PTPRZ1: variants seen among roughly 807,000 people sequenced by gnomAD.
PTPRZ1 encodes the protein protein tyrosine phosphatase receptor type Z1.
Under a neutral mutation model 214.1 loss-of-function variants are expected in PTPRZ1, and 82 were observed. The observed-to-expected ratio is 0.38, with a 90% confidence interval of 0.32 to 0.46. PTPRZ1 has a LOEUF of 0.46. PTPRZ1 is among the 20% of genes least tolerant of loss of function. The pLI, the probability that PTPRZ1 is intolerant of heterozygous loss-of-function variation, is 1.00. For synonymous variants in PTPRZ1, 945 were observed against 987.9 expected (o/e 0.96, Z 0.81); for missense variants, 2,603 against 2,748.7 (o/e 0.95, Z 1.19).
In PTPRZ1 at chr7:122,036,642, A is replaced by C. The variant is rs756556560; in HGVS notation, c.5327A>C (p.Asp1776Ala). 1 of 1,609,804 alleles carries C rather than the reference A, an allele frequency of 6.2e-7. No homozygotes were observed. The highest frequency in any genetic ancestry group is 8.5e-7 in the Non-Finnish European group (1 of 1,176,122). Residue 1776 changes from aspartate to alanine, a missense_variant, in exon 18 of 30, where the codon GAT (aspartate) becomes GCT (alanine). Asp to Ala is a moderately radical substitution (Grantham distance 126). Around this residue, in one of 6 missense-constraint regions of PTPRZ1, gnomAD observed 1,913 missense variants for 1,914.3 expected, o/e 1.00. Coordinates refer to ENST00000393386, the MANE Select transcript of PTPRZ1 (RefSeq NM_002851.3). ...AAGCTAGCACAGCTTGCTGAAAAGG[A>C]TGGCAAACTGACTGATTATATCAAT... Reference protein sequence around the residue: ...RVKLAQLAEKDGKLTDYINAN... With the variant: ...RVKLAQLAEKAGKLTDYINAN...
intron 1 of PTPRZ1, among the ~76,000 whole-genome samples, chr7:121,926,650 C>T (rs1584646224): frequency 6.6e-6 from 1 of 151,876 alleles, no homozygotes; most frequent in Non-Finnish European, 1.5e-5. Context: ...GGGGGATGGG[C>T]GTGGGTGTGG....
Position 122,059,753 on chromosome 7 carries a change from G to A in PTPRZ1, c.6672G>A (p.Glu2224=), listed in dbSNP as rs755817956. The A allele has an allele frequency of 2.4e-5, 38 of 1,605,216 alleles. No individual in the cohort carries two copies. Among genetic ancestry groups the A allele is most frequent in the Non-Finnish European group, 2.3e-5 (27 of 1,177,374 alleles). Residue 2224 remains glutamate (E), a splice_region_variant and synonymous_variant, in exon 29 of 30, where the codon GAG becomes GAA. Transcript: ENST00000393386. ...NRDGPMIVHD[E]HGGVTAGTFC... ...TCCTTTTCTTTTTTTTTTTTACAAG[G>A]CATGGAGGAGTGACGGCAGGAACTT... is the stretch of plus-strand genomic sequence containing the variant.
chr7:121,904,484 G>A (rs1004276079), intron 1 of PTPRZ1, among the ~76,000 whole-genome samples: 3 of 152,066 alleles, frequency 2.0e-5, no homozygotes, highest in African/African-American at 7.2e-5. Context: ...TTCCTGTTCT[G>A]GTTTCATGTT....
intron 8 of PTPRZ1, among the ~76,000 whole-genome samples, chr7:121,988,623 G>T (rs1797842918): frequency 6.6e-6 from 1 of 152,122 alleles, no homozygotes; most frequent in African/African-American, 2.4e-5. Flanking sequence ...TGATCTCAGT[G>T]TTACCTGTAA....
intron 2 of PTPRZ1, among the ~76,000 whole-genome samples, chr7:121,943,871 A>T (rs1359494831): frequency 6.6e-6 from 1 of 152,208 alleles, no homozygotes; most frequent in East Asian, 1.9e-4. Flanking sequence ...AGCTTATGTT[A>T]TCTTAATTTG....
In PTPRZ1 at chr7:122,011,857, A is replaced by G. The variant is rs748692445; in HGVS notation, c.2811A>G (p.Gln937=). The change falls in exon 12 of 30, where the codon CAA becomes CAG. Residue 937 remains glutamine (Q), a synonymous_variant. Coordinates refer to ENST00000393386, the MANE Select transcript of PTPRZ1 (RefSeq NM_002851.3). ...SYALSDNEGS[Q]HIFTVSYSSA... ...CCTTGTCTGATAATGAGGGCTCCCA[A>G]CACATCTTCACTGTTTCTTACAGTT... is the stretch of plus-strand genomic sequence containing the variant. 9 of 1,613,776 alleles carry G rather than the reference A, an allele frequency of 5.6e-6. No individual in the cohort carries two copies. Among genetic ancestry groups the G allele is most frequent in the Non-Finnish European group, 7.6e-6 (9 of 1,179,762 alleles).
intron 2 of PTPRZ1, among the ~76,000 whole-genome samples, chr7:121,959,025 A>G (rs1046163378): frequency 1.3e-5 from 2 of 152,016 alleles, no homozygotes; most frequent in African/African-American, 2.4e-5. Context: ...GGGTTTCACC[A>G]TGTTAGCCAG....
At chr7:121,977,559 G>T (rs1030706464) in intron 6 of PTPRZ1, among the ~76,000 whole-genome samples, 2 of 152,176 alleles carry the variant, frequency 1.3e-5, no homozygotes, top group African/African-American at 4.8e-5. Context: ...TGCAAAATTT[G>T]AAATCAGAAA....
chr7:121,925,125 C>G (rs1795717179), intron 1 of PTPRZ1, among the ~76,000 whole-genome samples: 3 of 152,210 alleles, frequency 2.0e-5, no homozygotes, highest in Admixed American at 2.0e-4. Context: ...TTTTTTATCA[C>G]TTGCTGCCTG....
At chr7:122,036,354 C>A (rs1490115266) in intron 17 of PTPRZ1, among the ~76,000 whole-genome samples, 1 of 152,214 alleles carries the variant, frequency 6.6e-6, no homozygotes, top group Non-Finnish European at 1.5e-5. Flanking sequence ...TTGCACCTCT[C>A]ACTTGACACC....
chr7:122,041,914 T>A (rs1183536981), intron 21 of PTPRZ1, among the ~76,000 whole-genome samples: 1 of 152,206 alleles, frequency 6.6e-6, no homozygotes, highest in Non-Finnish European at 1.5e-5. Flanking sequence ...CAGGGATTGT[T>A]TCCTAGCAAA....
chr7:121,908,359 C>T, intron 1 of PTPRZ1: 1 of 230,656 alleles, frequency 4.3e-6, no homozygotes, highest in East Asian at 1.3e-4. Context: ...AGATCAATCC[C>T]TTTGGAAAAG....
chr7:121,959,980 TCTTCA>T (rs1187131303), intron 2 of PTPRZ1, among the ~76,000 whole-genome samples: 1 of 152,208 alleles, frequency 6.6e-6, no homozygotes, highest in Non-Finnish European at 1.5e-5. Flanking sequence ...ATTACTGTAG[TCTTCA>T]CTTCAATATT....
chr7:121,940,746 C>T (rs970976155), intron 2 of PTPRZ1, among the ~76,000 whole-genome samples: 5 of 151,864 alleles, frequency 3.3e-5, no homozygotes, highest in Non-Finnish European at 7.4e-5. Flanking sequence ...ATGTCCATCA[C>T]GCAATTATCT....
At chr7:121,944,659 A>G (rs986620349) in intron 2 of PTPRZ1, among the ~76,000 whole-genome samples, 2 of 149,796 alleles carry the variant, frequency 1.3e-5, no homozygotes, top group African/African-American at 5.0e-5. Flanking sequence ...TTTTTTTTAA[A>G]GACAGTCTTG....
intron 18 of PTPRZ1, among the ~76,000 whole-genome samples, chr7:122,037,747 A>G (rs1464784774): frequency 2.6e-5 from 4 of 152,188 alleles, no homozygotes; most frequent in Non-Finnish European, 5.9e-5. Context: ...TTTGAATCCC[A>G]TCTCTGCCAC....
chr7:121,973,800 A>G lies in PTPRZ1; in HGVS notation c.456+1108A>G, dbSNP rs1797333771. Among the ~76,000 whole-genome samples, 3 of 151,978 alleles carry G rather than the reference A, an allele frequency of 2.0e-5. No homozygotes were observed. The South Asian group carries it at 6.2e-4, about 32-fold the overall frequency. On this transcript the variant is annotated intron_variant, in intron 4 of 29. Transcript: ENST00000393386. Reference sequence around the variant, plus strand: ...AACACAAAAATTAGCTGGTCATGGTAGCACTCACCTGTAATTTCACCTACT... The same window carrying G: ...AACACAAAAATTAGCTGGTCATGGTGGCACTCACCTGTAATTTCACCTACT...
chr7:121,937,726 T>C (rs923273972), intron 2 of PTPRZ1, among the ~76,000 whole-genome samples: 5 of 152,188 alleles, frequency 3.3e-5, no homozygotes, highest in African/African-American at 1.2e-4. Context: ...TTCATTCCCT[T>C]AGGGGATGCT....
intron 2 of PTPRZ1, among the ~76,000 whole-genome samples, chr7:121,931,377 T>C (rs1279742865): frequency 6.6e-6 from 1 of 152,052 alleles, no homozygotes. Flanking sequence ...CAATCAATTT[T>C]CAAACAGAGA....
Sources: gnomAD v4.1 joint callset for allele counts (sites outside exome capture counted in the v4.1 genomes callset) on GRCh38, gnomAD v4.1.1 for gene constraint, gnomAD v4.1.1 regional missense constraint, MANE v1.5 for transcripts, NCBI Gene and HGNC (gene_info 2026-07-23, HGNC 2026-07-21) for gene names.